Variants in CSMD2 observed in about 807,000 individuals in gnomAD.
CSMD2 encodes the protein CUB and Sushi multiple domains 2.
Under a neutral mutation model 398.5 loss-of-function variants are expected in CSMD2, and 130 were observed. The observed-to-expected ratio is 0.33, with a 90% CI of 0.28 to 0.38. The LOEUF (loss-of-function observed/expected upper bound fraction) is 0.38, where lower values mean the gene tolerates loss of function less well. Ranked by LOEUF, CSMD2 falls within the 10% of genes least tolerant of loss-of-function variation. The probability of loss-of-function intolerance (pLI) is 1.00; values close to 1 mark genes in which losing one functional copy is unlikely to be tolerated. For synonymous variants in CSMD2, 1,828 were observed against 1,908.5 expected (o/e 0.96, Z 1.10); for missense variants, 3,829 against 4,764.9 (o/e 0.80, Z 5.78).
intron 1 of CSMD2, among the ~76,000 whole-genome samples, chr1:34,150,608 TGAG>T (rs1640216703): frequency 1.3e-5 from 2 of 152,126 alleles, no homozygotes; most frequent in South Asian, 4.1e-4. Context: ...GCATAGGGCC[TGAG>T]TGTTCAACAA....
rs1053653060 is a variant in CSMD2 at position 34,163,037 on chromosome 1, A to G, written c.187+1874T>C. ...ATGGATCTCTATAGGGCAGGATTCC[A>G]GCACCGCTGAGCGGTGCAAGCGCCG... On this transcript the variant is annotated intron_variant, in intron 1 of 70. Coordinates refer to ENST00000373381, the MANE Select transcript of CSMD2 (RefSeq NM_001281956.2). This position sits in a 1 kb window ranked among gnomAD's most constrained non-coding sequence, Gnocchi z 5.4. 1.3e-5 allele frequency among the ~76,000 whole-genome samples: 2 copies of G among 152,222 alleles called. No homozygotes were observed. Among genetic ancestry groups the G allele is most frequent in the African/African-American group, 4.8e-5 (2 of 41,478 alleles).
intron 1 of CSMD2, among the ~76,000 whole-genome samples, chr1:34,154,020 A>T (rs1640572278): frequency 6.6e-6 from 1 of 152,246 alleles, no homozygotes; most frequent in Non-Finnish European, 1.5e-5. Context: ...ACTATAAACA[A>T]AACTTCTACA....
intron 23 of CSMD2, among the ~76,000 whole-genome samples, 154 bp from the exon 24 acceptor site, chr1:33,699,098 T>C (rs1446010371): frequency 6.6e-6 from 1 of 152,210 alleles, no homozygotes; most frequent in Non-Finnish European, 1.5e-5. Context: ...CTCATTTCTA[T>C]GCTCAGTTGA....
At chr1:34,023,447 T>C (rs1488239880) in intron 3 of CSMD2, among the ~76,000 whole-genome samples, 1 of 152,202 alleles carries the variant, frequency 6.6e-6, no homozygotes, top group Non-Finnish European at 1.5e-5. Flanking sequence ...AAAAGCCTTA[T>C]ATAGACTAGT....
intron 42 of CSMD2, among the ~76,000 whole-genome samples, chr1:33,604,840 G>C (rs184167207): frequency 3.3e-4 from 50 of 152,218 alleles, no homozygotes; most frequent in Non-Finnish European, 6.2e-4. Flanking sequence ...GAGCAGGGAG[G>C]GGGAAGATGA....
At chr1:33,991,414 T>C (rs539176449) in intron 3 of CSMD2, among the ~76,000 whole-genome samples, 1 of 152,328 alleles carries the variant, frequency 6.6e-6, no homozygotes, top group African/African-American at 2.4e-5. Flanking sequence ...CCTTTTAGTT[T>C]ACCGCTGTAC....
chr1:33,615,763 C>T lies in CSMD2; in HGVS notation c.6016+1143G>A, dbSNP rs138518273. On this transcript the variant is annotated intron_variant, in intron 39 of 70. Coordinates refer to ENST00000373381, the MANE Select transcript of CSMD2 (RefSeq NM_001281956.2). ...ATGGGGGAAAGTGCCTTGGGCTGACCGTTCACATTTCTGACCTGCTCCACA... is the reference window on the plus strand; with the variant it reads ...ATGGGGGAAAGTGCCTTGGGCTGACTGTTCACATTTCTGACCTGCTCCACA... Among the ~76,000 whole-genome samples the T allele has an allele frequency of 5.6e-3, 857 of 152,298 alleles. 6 individuals are homozygous for T. Among genetic ancestry groups the T allele is most frequent in the Non-Finnish European group, 8.0e-3 (547 of 68,026 alleles).
intron 1 of CSMD2, among the ~76,000 whole-genome samples, chr1:34,124,987 T>A (rs573312117): frequency 1.8e-4 from 27 of 151,838 alleles, no homozygotes; most frequent in Non-Finnish European, 3.4e-4. Context: ...ACTCAGGGAG[T>A]CTTACAATGG....
intron 13 of CSMD2, 62 bp downstream of exon 13, chr1:33,772,507 T>G (rs1460048181): frequency 6.6e-7 from 1 of 1,519,870 alleles, no homozygotes; most frequent in African/African-American, 1.4e-5. Context: ...CTGGATTAGC[T>G]AGGAAACGGG....
chr1:33,764,350 T>C (rs1650213761), intron 13 of CSMD2, among the ~76,000 whole-genome samples: 1 of 152,044 alleles, frequency 6.6e-6, no homozygotes, highest in African/African-American at 2.4e-5. Flanking sequence ...TCCAGTACAG[T>C]AGCAGATACA....
chr1:33,648,600 G>A (rs1423170747), intron 28 of CSMD2, among the ~76,000 whole-genome samples: 1 of 152,176 alleles, frequency 6.6e-6, no homozygotes, highest in Non-Finnish European at 1.5e-5. Context: ...CAGACATTTT[G>A]TGGTTGATTT....
chr1:34,062,279 G>A (rs1353106788), intron 2 of CSMD2, among the ~76,000 whole-genome samples: 2 of 152,190 alleles, frequency 1.3e-5, no homozygotes, highest in East Asian at 3.8e-4. Context: ...GGTAGCATTT[G>A]GACCCAGCCT....
intron 41 of CSMD2, among the ~76,000 whole-genome samples, chr1:33,606,316 G>A (rs1640605408): frequency 6.6e-6 from 1 of 152,214 alleles, no homozygotes; most frequent in Non-Finnish European, 1.5e-5. Context: ...GAAGTAGTTG[G>A]GACTGGATAG....
At chr1:33,729,972 T>G (rs1646669467) in intron 15 of CSMD2, among the ~76,000 whole-genome samples, 1 of 152,160 alleles carries the variant, frequency 6.6e-6, no homozygotes, top group African/African-American at 2.4e-5. Context: ...AAAGATACAC[T>G]GGCAAAAATA....
Position 34,130,616 on chromosome 1 carries a change from G to A in CSMD2, c.187+34295C>T, listed in dbSNP as rs142293502. Among the ~76,000 whole-genome samples the A allele has an allele frequency of 2.3e-3, 355 of 152,160 alleles. 2 individuals are homozygous for A. Among genetic ancestry groups the A allele is most frequent in the Admixed American group, 0.015 (223 of 15,288 alleles). On this transcript the variant is annotated intron_variant, in intron 1 of 70. Transcript: ENST00000373381. Reference sequence around the variant, plus strand: ...TTTCTCCAGCTGCTGTGTGAAGAAGGAACCACAGGTGAGAACAGGGGAAGC... The same window carrying A: ...TTTCTCCAGCTGCTGTGTGAAGAAGAAACCACAGGTGAGAACAGGGGAAGC...
At chr1:33,823,198 C>A (rs1658361567) in intron 7 of CSMD2, among the ~76,000 whole-genome samples, 1 of 152,152 alleles carries the variant, frequency 6.6e-6, no homozygotes, top group Non-Finnish European at 1.5e-5. Flanking sequence ...AGGTGAAACC[C>A]AGGCACCATC....
chr1:33,772,075 C>T (rs927141311), intron 13 of CSMD2: 2 of 153,738 alleles, frequency 1.3e-5, no homozygotes, highest in Non-Finnish European at 2.9e-5. Context: ...AGCTTGATCC[C>T]TTTTCCCTCC....
In CSMD2 at chr1:34,046,502, A is replaced by G. The variant is rs182774669; in HGVS notation, c.405-13796T>C. Among the ~76,000 whole-genome samples the G allele has an allele frequency of 2.4e-3, 363 of 152,260 alleles. 6 individuals are homozygous for G. The highest frequency in any genetic ancestry group is 1.2e-3 in the Non-Finnish European group (81 of 68,034). On this transcript the variant is annotated intron_variant, in intron 2 of 70. Transcript: ENST00000373381. ...CCTAAGAAACTTTGGGAACCTTTGC[A>G]TTACTGTATGAAAAGCTTTGGAAAG...
chr1:33,936,076 G>A (rs959790481), intron 3 of CSMD2, 122 bp from the exon 4 acceptor site: 6 of 756,722 alleles, frequency 7.9e-6, no homozygotes, highest in Non-Finnish European at 1.3e-5. Context: ...TTCTTCTTCT[G>A]TGAACAGCAT....
Sources: allele counts gnomAD v4.1 joint callset (sites outside exome capture counted in the v4.1 genomes callset), GRCh38; gene constraint gnomAD v4.1.1; non-coding constraint Gnocchi (gnomAD v3.1); transcripts MANE v1.5; gene names NCBI Gene and HGNC (gene_info 2026-07-23, HGNC 2026-07-21).